KLHDC4: variants seen among roughly 807,000 people sequenced by gnomAD.
KLHDC4 encodes kelch domain containing 4, also known as kelch domain-containing protein 4.
KLHDC4 carries 90 observed loss-of-function variants against 62.4 expected under a neutral mutation model. That is an observed-to-expected ratio of 1.44 (90% CI 1.22 to 1.72). The LOEUF (loss-of-function observed/expected upper bound fraction) is 1.72, where lower values mean the gene tolerates loss of function less well. Ranked by LOEUF, KLHDC4 falls within the 40% of genes most tolerant of loss-of-function variation. The probability of loss-of-function intolerance (pLI) is 0.00; values close to 1 mark genes in which losing one functional copy is unlikely to be tolerated. For missense variants in KLHDC4, 1,025 were observed against 699.7 expected (o/e 1.47, Z -5.25); for synonymous variants, 386 against 284.4 (o/e 1.36, Z -3.59).
downstream of KLHDC4, among the ~76,000 whole-genome samples, chr16:87,704,110 A>T (rs2034362118): frequency 6.6e-6 from 1 of 152,160 alleles, no homozygotes; most frequent in Non-Finnish European, 1.5e-5. Context: ...CTTCTGGAGG[A>T]AGGCTGACTC....
chr16:87,757,617 C>T lies in KLHDC4; in HGVS notation c.192-1140G>A, dbSNP rs533493705. Among the ~76,000 whole-genome samples, 11 of 152,104 alleles carry T rather than the reference C, an allele frequency of 7.2e-5. No homozygotes were observed. In the South Asian group the frequency reaches 2.3e-3, roughly 32 times the overall value. On this transcript the variant is annotated intron_variant, in intron 2 of 11. Coordinates refer to ENST00000270583, the MANE Select transcript of KLHDC4 (RefSeq NM_017566.4). Reference sequence around the variant, plus strand: ...ACATAATAATATTATGGGCCAGGCCCGGTGGCTCACACTTGTAATCCCAGC... The same window carrying T: ...ACATAATAATATTATGGGCCAGGCCTGGTGGCTCACACTTGTAATCCCAGC...
At chr16:87,752,883 C>T (rs1017905507) in intron 4 of KLHDC4, among the ~76,000 whole-genome samples, 3 of 152,214 alleles carry the variant, frequency 2.0e-5, no homozygotes, top group Non-Finnish European at 2.9e-5. Flanking sequence ...ACGTTAGCTC[C>T]GCACCATCAA....
At chr16:87,729,059 G>T (rs904490453) in intron 6 of KLHDC4, among the ~76,000 whole-genome samples, 13 of 152,114 alleles carry the variant, frequency 8.5e-5, no homozygotes, top group African/African-American at 3.1e-4. Context: ...TTACACATGT[G>T]AGCCACTGTA....
chr16:87,749,741 G>A (rs2043622500), intron 4 of KLHDC4, among the ~76,000 whole-genome samples: 1 of 151,986 alleles, frequency 6.6e-6, no homozygotes, highest in Admixed American at 6.6e-5. Context: ...GTGACATCAT[G>A]CCCAGCTGTT....
chr16:87,720,527 AG>A (rs1176031281), intron 7 of KLHDC4, among the ~76,000 whole-genome samples: 2 of 152,174 alleles, frequency 1.3e-5, no homozygotes, highest in Non-Finnish European at 1.5e-5. Flanking sequence ...ACAGGTGATG[AG>A]CCCCTGCGGA....
chr16:87,760,205 T>A (rs1214912506), intron 2 of KLHDC4, among the ~76,000 whole-genome samples: 1 of 148,238 alleles, frequency 6.7e-6, no homozygotes, highest in African/African-American at 2.5e-5. Flanking sequence ...TCAGGCAACA[T>A]TACTTATGGA....
At chr16:87,731,342 G>C (rs60969117) in intron 5 of KLHDC4, among the ~76,000 whole-genome samples, 1 of 151,916 alleles carries the variant, frequency 6.6e-6, no homozygotes, top group African/African-American at 2.4e-5. Context: ...AAAGTGCTGA[G>C]ATTACAGGCA....
intron 3 of KLHDC4, 78 bp from the exon 4 acceptor site, chr16:87,755,370 C>A: frequency 1.3e-6 from 1 of 770,234 alleles, no homozygotes; most frequent in Non-Finnish European, 2.2e-6. Context: ...TTAATCATGA[C>A]AATTCCCTGG....
chr16:87,744,331 C>G (rs13335873), intron 5 of KLHDC4, among the ~76,000 whole-genome samples: 2 of 151,530 alleles, frequency 1.3e-5, no homozygotes, highest in Non-Finnish European at 2.9e-5. Context: ...AGGAGAATTG[C>G]TTGAACCTCT....
At chr16:87,708,973 T>C (rs960759946) in intron 10 of KLHDC4, among the ~76,000 whole-genome samples, 1 of 152,194 alleles carries the variant, frequency 6.6e-6, no homozygotes, top group Non-Finnish European at 1.5e-5. Context: ...CGGACGGCCA[T>C]CCACAAACAA....
At chr16:87,747,912 G>A (rs1443748505) in intron 5 of KLHDC4, among the ~76,000 whole-genome samples, 4 of 152,212 alleles carry the variant, frequency 2.6e-5, no homozygotes, top group East Asian at 1.9e-4. Context: ...TATCCCAGAA[G>A]CAAGGGCACT....
In KLHDC4 at chr16:87,713,944, C is replaced by T. The variant is rs576904309; in HGVS notation, c.835+554G>A. Among the ~76,000 whole-genome samples, 11 of 152,256 alleles carry T rather than the reference C, an allele frequency of 7.2e-5. No individual in the cohort carries two copies. The East Asian group carries it at 9.7e-4, about 13-fold the overall frequency. On this transcript the variant is annotated intron_variant, in intron 8 of 11. Transcript: ENST00000270583. ...CAGTAACTCAAGCTGACAGAGGCCA[C>T]GGCCGTTCTTGGAGGCCGTCCCTGT...
chr16:87,723,277 C>G (rs2038765039), intron 7 of KLHDC4, among the ~76,000 whole-genome samples: 1 of 152,258 alleles, frequency 6.6e-6, no homozygotes, highest in Admixed American at 6.5e-5. Flanking sequence ...TCCAAACAGA[C>G]AAGCTTTTCA....
chr16:87,705,217 G>A (rs760104003), downstream of KLHDC4, among the ~76,000 whole-genome samples: 2 of 152,254 alleles, frequency 1.3e-5, no homozygotes, highest in Non-Finnish European at 2.9e-5. Flanking sequence ...GAGGCCCTGG[G>A]CTTTCGTGCC....
chr16:87,712,559 A>C (rs1324068386), intron 8 of KLHDC4, among the ~76,000 whole-genome samples: 1 of 152,230 alleles, frequency 6.6e-6, no homozygotes, highest in African/African-American at 2.4e-5. Flanking sequence ...GCCCTGCGGG[A>C]AACAGTCCAG....
At chr16:87,756,785 T>C (rs2045009447) in intron 2 of KLHDC4, among the ~76,000 whole-genome samples, 1 of 151,602 alleles carries the variant, frequency 6.6e-6, no homozygotes, top group Non-Finnish European at 1.5e-5. Flanking sequence ...TACTGATGTA[T>C]CAAATGTTCC....
chr16:87,765,130 C>T (rs927636982), intron 1 of KLHDC4: 2 of 455,912 alleles, frequency 4.4e-6, no homozygotes, highest in African/African-American at 4.0e-5. Flanking sequence ...AAACTGGCCC[C>T]GGTTAGGGAA....
At position 87,709,485 on chromosome 16, in the gene KLHDC4, C is replaced by T. The variant is rs758357860; in HGVS notation, c.1227G>A (p.Gly409=). The T allele has an allele frequency of 1.2e-6, 2 of 1,611,634 alleles. No individual in the cohort carries two copies. The highest frequency in any genetic ancestry group is 4.5e-5 in the East Asian group (2 of 44,878). Residue 409 remains glycine (G), a synonymous_variant, in exon 10 of 12, where the codon GGG becomes GGA. Transcript: ENST00000270583. ...KQVLTAPGSA[G]QPRSEDEDSL... is the part of the protein sequence containing the mutation. ...TGTCTTCGTCCTCAGACCGGGGCTG[C>T]CCCGCCGAGCCTGGCGCGGTGAGCA...
Position 87,708,416 on chromosome 16 carries a change from C to T in KLHDC4, c.1498G>A (p.Val500Ile), listed in dbSNP as rs2035076749. ...ETDSEEDSEE[V>I]EGAEGGVDDE... ...TCGACCCCACCCTCGGCGCCCTCAA[C>T]CTCCTCACTGTCCTCTTCCGAGTCC... Residue 500 changes from valine (V) to isoleucine (I), a missense_variant, in exon 11 of 12, where the codon GTT becomes ATT. By Grantham distance (29) the Val-to-Ile change is conservative. Transcript: ENST00000270583. 6.2e-7 allele frequency: 1 copy of T among 1,612,302 alleles called. No homozygotes were observed. The highest frequency in any genetic ancestry group is 8.5e-7 in the Non-Finnish European group (1 of 1,179,612).
Sources: gnomAD v4.1 joint callset for allele counts (sites outside exome capture counted in the v4.1 genomes callset) on GRCh38, gnomAD v4.1.1 for gene constraint, MANE v1.5 for transcripts, NCBI Gene and HGNC (gene_info 2026-07-23, HGNC 2026-07-21) for gene names.